ZNF583: variants seen among roughly 807,000 people sequenced by gnomAD.
ZNF583 encodes the protein zinc finger protein 583, also known as zinc finger protein L3-5.
ZNF583 carries 30 observed loss-of-function variants against 55.3 expected under a neutral mutation model. The observed-to-expected ratio is 0.54, with a 90% CI of 0.41 to 0.74. ZNF583 has a LOEUF of 0.74. Among genes scored for constraint, ZNF583 ranks in the 30% least tolerant of loss-of-function variants. ZNF583 has a pLI of 0.00. For missense variants in ZNF583, 504 were observed against 664.7 expected (o/e 0.76, Z 2.66); for synonymous variants, 208 against 220.0 (o/e 0.95, Z 0.48).
intron 1 of ZNF583, among the ~76,000 whole-genome samples, chr19:56,406,385 T>C (rs57739622): frequency 0.016 from 2,453 of 152,312 alleles, 64 homozygotes; most frequent in African/African-American, 0.056. Flanking sequence ...ATTACCATGA[T>C]GCCTTGAATA....
At chr19:56,412,625 A>G (rs1364739982) in intron 2 of ZNF583, among the ~76,000 whole-genome samples, 1 of 152,224 alleles carries the variant, frequency 6.6e-6, no homozygotes, top group East Asian at 1.9e-4. Context: ...GTTACCAACT[A>G]TCTTTACAAC....
chr19:56,421,179 A>G (rs954912617), intron 4 of ZNF583, among the ~76,000 whole-genome samples: 12 of 152,220 alleles, frequency 7.9e-5, no homozygotes, highest in African/African-American at 1.7e-4. Flanking sequence ...TGTGTGGGGT[A>G]TAGCAATCTG....
At chr19:56,420,405 T>C (rs1031694522) in intron 4 of ZNF583, among the ~76,000 whole-genome samples, 2 of 152,186 alleles carry the variant, frequency 1.3e-5, no homozygotes, top group African/African-American at 4.8e-5. Flanking sequence ...GTACAAGTGT[T>C]TGGTGTAGTG....
intron 1 of ZNF583, among the ~76,000 whole-genome samples, chr19:56,406,524 T>G (rs1366840218): frequency 6.9e-6 from 1 of 145,462 alleles, no homozygotes; most frequent in East Asian, 2.1e-4. Context: ...ACAGGTATGT[T>G]GTATTCTTTT....
chr19:56,423,117 T>C lies in ZNF583; in HGVS notation c.459T>C (p.Val153=). ...IITHKEILPE[V]QNKEYNKSWQ... ...CTCATAAAGAAATCCTTCCAGAAGTTCAAAATAAAGAATATAACAAATCTT... is the reference window on the plus strand; with the variant it reads ...CTCATAAAGAAATCCTTCCAGAAGTCCAAAATAAAGAATATAACAAATCTT... The change falls in exon 5 of 5, where the codon GTT becomes GTC. Residue 153 remains valine, a synonymous_variant. Transcript: ENST00000333201. The C allele has an allele frequency of 6.2e-7, 1 of 1,611,818 alleles. No homozygotes were observed.
chr19:56,408,705 G>C (rs1193934187), intron 2 of ZNF583, among the ~76,000 whole-genome samples: 2 of 152,112 alleles, frequency 1.3e-5, no homozygotes, highest in African/African-American at 4.8e-5. Context: ...ATATGAAAAG[G>C]GTGGTAGAAA....
chr19:56,405,692 TA>T (rs2042135955), intron 1 of ZNF583, among the ~76,000 whole-genome samples: 1 of 151,934 alleles, frequency 6.6e-6, no homozygotes. Flanking sequence ...GTGAGGAATT[TA>T]AAAGGAAAAA....
At chr19:56,410,242 CA>C (rs1382449142) in intron 2 of ZNF583, among the ~76,000 whole-genome samples, 2 of 152,022 alleles carry the variant, frequency 1.3e-5, no homozygotes, top group Non-Finnish European at 2.9e-5. Context: ...TTTTTCAATT[CA>C]AAAACAATTT....
In ZNF583 at chr19:56,424,447, G is replaced by A; in HGVS notation, c.*79G>A. ...ATGCACATTAATATATTTGACATGG[G>A]ATACTCGAGTAGCTTTCTAATTGGT... On this transcript the variant is annotated 3_prime_UTR_variant, in exon 5 of 5. Transcript: ENST00000333201. The A allele has an allele frequency of 3.0e-6, 2 of 665,784 alleles. No homozygotes were observed. The highest frequency in any genetic ancestry group is 2.7e-5 in the East Asian group (1 of 36,630). 41.2% of individuals were successfully genotyped at this position (665,784 alleles called of 1,614,324 possible).
At chr19:56,421,671 T>G in intron 4 of ZNF583, 1 of 240,844 alleles carries the variant, frequency 4.2e-6, no homozygotes, top group Non-Finnish European at 6.7e-6. Context: ...TAGTGTGGTG[T>G]TTTATGTCTT....
At chr19:56,419,445 C>A (rs1299281860) in intron 4 of ZNF583, among the ~76,000 whole-genome samples, 1 of 152,128 alleles carries the variant, frequency 6.6e-6, no homozygotes, top group Non-Finnish European at 1.5e-5. Flanking sequence ...CCACCTGCCT[C>A]GGCCTCCCAA....
At position 56,424,230 on chromosome 19, in the gene ZNF583, T is replaced by A; in HGVS notation, c.1572T>A (p.Asp524Glu). The A allele has an allele frequency of 6.2e-7, 1 of 1,614,000 alleles. No homozygotes were observed. Among genetic ancestry groups the A allele is most frequent in the African/African-American group, 1.3e-5 (1 of 75,040 alleles). ...GAGAAAGACCCTATGAATGTAAAGA[T>A]TGCAGGAAATCTTTCAGGCAGCGTG... ...HTGERPYECKDCRKSFRQRAH... is the reference protein window; with the variant it reads ...HTGERPYECKECRKSFRQRAH... Residue 524 changes from aspartate to glutamate, a missense_variant, in exon 5 of 5, where the codon GAT (aspartate) becomes GAA (glutamate). Asp to Glu is a conservative substitution (Grantham distance 45, BLOSUM62 2). Coordinates refer to ENST00000333201, the MANE Select transcript of ZNF583 (RefSeq NM_152478.3).
intron 1 of ZNF583, among the ~76,000 whole-genome samples, chr19:56,406,525 G>A (rs2042151043): frequency 7.5e-6 from 1 of 133,350 alleles, no homozygotes; most frequent in Non-Finnish European, 1.6e-5. Flanking sequence ...CAGGTATGTT[G>A]TATTCTTTTT....
chr19:56,413,885 A>G (rs544143377), intron 2 of ZNF583, 74 bp from the exon 3 acceptor site: 8 of 1,596,078 alleles, frequency 5.0e-6, no homozygotes, highest in African/African-American at 2.7e-5. Context: ...AGTATAGACA[A>G]TTTAACTTTT....
rs146710538 is a variant in ZNF583 at position 56,412,293 on chromosome 19, C to T, written c.10-1666C>T. Among the ~76,000 whole-genome samples, 1,284 of 152,330 alleles carry T rather than the reference C, an allele frequency of 8.4e-3. 8 individuals are homozygous for T. Among genetic ancestry groups the T allele is most frequent in the Middle Eastern group, 0.014 (4 of 294 alleles). On this transcript the variant is annotated intron_variant, in intron 2 of 4. Coordinates refer to ENST00000333201, the MANE Select transcript of ZNF583 (RefSeq NM_152478.3). ...CAAAACCAAGATGCATATGCCTAACCATACAACAAGCCCTGATAAGTCTTG... is the reference window on the plus strand; with the variant it reads ...CAAAACCAAGATGCATATGCCTAACTATACAACAAGCCCTGATAAGTCTTG...
At chr19:56,419,476 G>A (rs1051030121) in intron 4 of ZNF583, among the ~76,000 whole-genome samples, 8 of 152,196 alleles carry the variant, frequency 5.3e-5, no homozygotes, top group African/African-American at 1.9e-4. Flanking sequence ...TTACAGGCGT[G>A]AGCCACCACG....
At chr19:56,416,022 A>C (rs1033758682) in intron 4 of ZNF583, among the ~76,000 whole-genome samples, 1 of 152,016 alleles carries the variant, frequency 6.6e-6, no homozygotes, top group Non-Finnish European at 1.5e-5. Flanking sequence ...TTGTGTAACT[A>C]TTCTTTTTTT....
rs114857694 is a variant in ZNF583, at chr19:56,424,015, C to G, written c.1357C>G (p.Gln453Glu). Residue 453 changes from glutamine to glutamate, a missense_variant, in exon 5 of 5, where the codon CAA becomes GAA. Transcript: ENST00000333201. ...CTTTAGCAATAGTTCATCACTTGCA[C>G]AACATCAGAGAAGTCATACTGGAGA... Reference protein sequence around the residue: ...KAFSNSSSLAQHQRSHTGEKP... With the variant: ...KAFSNSSSLAEHQRSHTGEKP... 6.2e-7 allele frequency: 1 copy of G among 1,614,006 alleles called. No homozygotes were observed. Among genetic ancestry groups the G allele is most frequent in the Non-Finnish European group, 8.5e-7 (1 of 1,180,002 alleles).
At chr19:56,422,842 C>A (rs2042437060) in intron 4 of ZNF583, 49 bp from the exon 5 acceptor site, 2 of 1,418,298 alleles carry the variant, frequency 1.4e-6, no homozygotes, top group East Asian at 4.8e-5. Context: ...TTAGAAATTT[C>A]TTCTAGTGAA....
Sources: allele counts gnomAD v4.1 joint callset (sites outside exome capture counted in the v4.1 genomes callset), GRCh38; gene constraint gnomAD v4.1.1; transcripts MANE v1.5; gene names NCBI Gene and HGNC (gene_info 2026-07-23, HGNC 2026-07-21).